The following RARB variants were observed in gnomAD, a reference collection of about 807,000 sequenced individuals.
The protein encoded by RARB is retinoic acid receptor beta.
RARB carries 17 observed loss-of-function variants against 51.9 expected under a neutral mutation model. That is an observed-to-expected ratio of 0.33 (90% CI 0.22 to 0.49). The LOEUF is 0.49. RARB is among the 20% of genes least tolerant of loss of function. The pLI, the probability that RARB is intolerant of heterozygous loss-of-function variation, is 0.99. For synonymous variants in RARB, 215 were observed against 195.4 expected (o/e 1.10, Z -0.84); for missense variants, 369 against 550.8 (o/e 0.67, Z 3.30).
At chr3:25,333,635 A>C (rs1704971680) in intron 5 of RARB, among the ~76,000 whole-genome samples, 1 of 152,254 alleles carries the variant, frequency 6.6e-6, no homozygotes, top group African/African-American at 2.4e-5. Flanking sequence ...TTTATGTCTA[A>C]AACACCAAAA....
chr3:25,487,312 C>T (rs1019828467), intron 2 of RARB, among the ~76,000 whole-genome samples: 1 of 152,222 alleles, frequency 6.6e-6, no homozygotes, highest in Admixed American at 6.5e-5. Context: ...CTCTGTTCCT[C>T]AGCGTGCGAT....
At chr3:25,233,475 T>C (rs1264573401) in intron 5 of RARB, among the ~76,000 whole-genome samples, 1 of 152,182 alleles carries the variant, frequency 6.6e-6, no homozygotes, top group African/African-American at 2.4e-5. Flanking sequence ...ATGTAGATAG[T>C]TGTCTCTAAT....
At chr3:25,052,650 A>G (rs1455303324) in intron 2 of RARB, among the ~76,000 whole-genome samples, 1 of 152,206 alleles carries the variant, frequency 6.6e-6, no homozygotes, top group Non-Finnish European at 1.5e-5. Flanking sequence ...ATTATAATTG[A>G]AAGTATTTTC....
At chr3:24,990,020 C>T (rs1161222949) in intron 2 of RARB, among the ~76,000 whole-genome samples, 2 of 99,808 alleles carry the variant, frequency 2.0e-5, no homozygotes, top group Non-Finnish European at 4.0e-5. Flanking sequence ...AGGATGGTCT[C>T]GATCTCCTGA....
intron 1 of RARB, among the ~76,000 whole-genome samples, chr3:25,430,958 T>C (rs1273320805): frequency 6.6e-6 from 1 of 151,874 alleles, no homozygotes; most frequent in Non-Finnish European, 1.5e-5. Flanking sequence ...CAACGATTTT[T>C]TTTTTTTTTT....
chr3:25,435,312 C>T (rs1229010194), intron 1 of RARB, among the ~76,000 whole-genome samples: 2 of 152,180 alleles, frequency 1.3e-5, no homozygotes, highest in African/African-American at 2.4e-5. Context: ...ATGAGTGCAT[C>T]GGTTAACTAG....
intron 5 of RARB, among the ~76,000 whole-genome samples, chr3:25,399,859 C>T (rs1707217587): frequency 6.6e-6 from 1 of 152,174 alleles, no homozygotes; most frequent in Non-Finnish European, 1.5e-5. Flanking sequence ...CTGGGTCTCC[C>T]ACCACGAATG....
At chr3:25,524,687 C>G (rs963198045) in intron 3 of RARB, among the ~76,000 whole-genome samples, 1 of 144,522 alleles carries the variant, frequency 6.9e-6, no homozygotes, top group South Asian at 2.4e-4. Context: ...CTATCCTCTT[C>G]TTTCTGTCCC....
intron 2 of RARB, among the ~76,000 whole-genome samples, chr3:24,877,195 G>C (rs952602921): frequency 6.6e-6 from 1 of 151,846 alleles, no homozygotes; most frequent in Admixed American, 6.6e-5. Context: ...ACATTTCTTA[G>C]CTGCACAATG....
At chr3:24,869,469 G>A (rs1472315412) in intron 2 of RARB, among the ~76,000 whole-genome samples, 1 of 151,914 alleles carries the variant, frequency 6.6e-6, no homozygotes, top group Admixed American at 6.6e-5. Context: ...GCTTGATGTG[G>A]AAAATATAAA....
At chr3:25,101,183 G>C (rs1197774169) in intron 3 of RARB, among the ~76,000 whole-genome samples, 5 of 152,074 alleles carry the variant, frequency 3.3e-5, no homozygotes, top group African/African-American at 9.7e-5. Flanking sequence ...GAGGATTTTT[G>C]GTTGCTAGAG....
intron 2 of RARB, among the ~76,000 whole-genome samples, chr3:24,860,304 C>A (rs969482638): frequency 5.9e-5 from 9 of 152,118 alleles, no homozygotes; most frequent in African/African-American, 1.9e-4. Context: ...TTCTGCCTTC[C>A]CAGCCAGTAA....
intron 5 of RARB, among the ~76,000 whole-genome samples, chr3:25,345,332 T>G (rs1313483863): frequency 6.6e-6 from 1 of 152,174 alleles, no homozygotes; most frequent in Non-Finnish European, 1.5e-5. Context: ...TCGGCTGTTG[T>G]GCCCAATAAT....
At chr3:25,506,877 C>G (rs1001867941) in intron 3 of RARB, among the ~76,000 whole-genome samples, 1 of 152,230 alleles carries the variant, frequency 6.6e-6, no homozygotes, top group African/African-American at 2.4e-5. Context: ...AGTAGACACA[C>G]CCAGCTTCCA....
Position 25,537,764 on chromosome 3 carries a change from A to G in RARB, c.449-31994A>G, listed in dbSNP as rs188964084. 1.5e-3 allele frequency among the ~76,000 whole-genome samples: 232 copies of G among 152,302 alleles called. 1 individual carries two copies. Among genetic ancestry groups the G allele is most frequent in the African/African-American group, 5.2e-3 (215 of 41,558 alleles). ...CTCAGTTCATAAAGCTGAGGACAGA[A>G]GTTTTAACTATAATCAAAATGAAGA... On this transcript the variant is annotated intron_variant, in intron 3 of 7. Transcript: ENST00000330688.
At chr3:24,830,681 G>T (rs1022587275) in intron 1 of RARB, among the ~76,000 whole-genome samples, 11 of 151,880 alleles carry the variant, frequency 7.2e-5, no homozygotes, top group Non-Finnish European at 1.6e-4. Flanking sequence ...GTGTGTGTGT[G>T]TGTCTGTCCG....
intron 1 of RARB, among the ~76,000 whole-genome samples, chr3:25,460,289 T>C (rs987900876): frequency 2.0e-5 from 3 of 152,100 alleles, no homozygotes; most frequent in African/African-American, 7.2e-5. Flanking sequence ...GGAGCCTTCT[T>C]TGAGTAGCAA....
chr3:25,184,032 A>T lies in RARB; in HGVS notation c.178+9457A>T, dbSNP rs187405239. Reference sequence around the variant, plus strand: ...AACTTTACTAAAGGATTCTGGCCCTAACTAAATCCTTCCCTGGTTAACTTG... The same window carrying T: ...AACTTTACTAAAGGATTCTGGCCCTTACTAAATCCTTCCCTGGTTAACTTG... On this transcript the variant is annotated intron_variant, in intron 5 of 11. Transcript: ENST00000383772. Among the ~76,000 whole-genome samples the T allele has an allele frequency of 2.6e-5, 4 of 152,234 alleles. No homozygotes were observed. The East Asian group carries it at 7.7e-4, about 29-fold the overall frequency.
At position 25,491,048 on chromosome 3, in the gene RARB, C is replaced by G. The variant is rs529336098; in HGVS notation, c.307-10134C>G. 2.6e-5 allele frequency among the ~76,000 whole-genome samples: 4 copies of G among 152,282 alleles called. No homozygotes were observed. In the East Asian group the frequency reaches 7.7e-4, roughly 29 times the overall value. ...TATTTATGATATTTAGCCTACTGCACAGAAATTCTTTGGGTAACTACTCAA... is the reference window on the plus strand; with the variant it reads ...TATTTATGATATTTAGCCTACTGCAGAGAAATTCTTTGGGTAACTACTCAA... On this transcript the variant is annotated intron_variant, in intron 2 of 7. Transcript: ENST00000330688.
Sources: gnomAD v4.1 joint callset for allele counts (sites outside exome capture counted in the v4.1 genomes callset) on GRCh38, gnomAD v4.1.1 for gene constraint, MANE v1.5 for transcripts, NCBI Gene and HGNC (gene_info 2026-07-23, HGNC 2026-07-21) for gene names.